Variants in LHX1 observed in about 807,000 individuals in gnomAD.
The protein encoded by LHX1 is LIM/homeobox protein Lhx1.
Under a neutral mutation model 34.1 loss-of-function variants are expected in LHX1, and 9 were observed. The ratio of observed to expected loss-of-function variants is 0.26; its 90% CI spans 0.16 to 0.46. The LOEUF is 0.46. LHX1 is among the 20% of genes least tolerant of loss of function. The pLI, the probability that LHX1 is intolerant of heterozygous loss-of-function variation, is 1.00. For missense variants in LHX1, 446 were observed against 559.1 expected (o/e 0.80, Z 2.04); for synonymous variants, 254 against 241.5 (o/e 1.05, Z -0.48).
Position 36,938,007 on chromosome 17 carries a change from C to T in LHX1, c.-191C>T, listed in dbSNP as rs71380120. 4.1e-3 allele frequency: 2,593 copies of T among 630,404 alleles called. 45 individuals are homozygous for T. In the African/African-American group the frequency reaches 0.042, roughly 10 times the overall value. The allele number at this position is 630,404 out of a possible 1,614,324, so 39.1% of individuals were successfully genotyped here. A position where few individuals can be genotyped will look rare whatever the true frequency, so the allele number is the denominator to read the frequency against. ...TGCACACTTCACTGAGACGCCCCCC[C>T]AGGCCCCGATCAGCCTCGTTTCCTC... On this transcript the variant is annotated 5_prime_UTR_variant, in exon 1 of 5. Transcript: ENST00000614239.
intron 1 of LHX1, chr17:36,938,766 G>A (rs2070746037): frequency 5.5e-6 from 2 of 365,526 alleles, no homozygotes; most frequent in South Asian, 4.6e-5. Flanking sequence ...CAGAGCCCAG[G>A]CTCCCTCCCG....
chr17:36,939,590 A>G (rs1240164779), intron 1 of LHX1, among the ~76,000 whole-genome samples: 2 of 152,212 alleles, frequency 1.3e-5, no homozygotes, highest in Non-Finnish European at 1.5e-5. Flanking sequence ...GAGGGTGGCA[A>G]ACCGTACTCG....
Position 36,943,205 on chromosome 17 carries a change from A to AAAG in LHX1, c.*76_*77insGAA. 1 of 1,513,054 alleles carries AAAG rather than the reference A, an allele frequency of 6.6e-7. No individual in the cohort carries two copies. The highest frequency in any genetic ancestry group is 8.9e-7 in the Non-Finnish European group (1 of 1,127,644). 93.7% of individuals were successfully genotyped at this position (1,513,054 alleles called of 1,614,324 possible). ...TTTATTTAAGAAAAATAGAAAAAAA[A>AAAG]AAACATAAAAAGCAAGTCCCCACCC... On this transcript the variant is annotated 3_prime_UTR_variant, in exon 5 of 5. Transcript: ENST00000614239.
Position 36,942,672 on chromosome 17 carries a change from G to A in LHX1, c.842-80G>A, listed in dbSNP as rs533711091. The stretch of plus-strand genomic sequence containing the variant: ...CGCGCGGCCTTCCTCAGCCCGCCGA[G>A]GTCGCGTCTTCCCTCCCTTTCGGTC... On this transcript the variant is annotated intron_variant, in intron 4 of 4. Transcript: ENST00000614239. 3.3e-5 allele frequency: 45 copies of A among 1,377,090 alleles called. 1 individual carries two copies. In the South Asian group the frequency reaches 4.9e-4, roughly 15 times the overall value. The allele number at this position is 1,377,090 out of a possible 1,614,324, so 85.3% of individuals were successfully genotyped here.
At chr17:36,937,005 C>T, upstream of LHX1, 1 of 273,898 alleles carries the variant, frequency 3.7e-6, no homozygotes, top group Non-Finnish European at 7.3e-6. Flanking sequence ...CCAAGCTGCC[C>T]CCCTCCTCCC....
At chr17:36,942,396 C>T (rs1156339911) in intron 4 of LHX1, 31 bp downstream of exon 4, 1 of 1,555,416 alleles carries the variant, frequency 6.4e-7, no homozygotes, top group South Asian at 1.2e-5. Context: ...GGGGCGCGGC[C>T]AGGTCGGGGC....
chr17:36,936,813 G>A (rs7215367), upstream of LHX1: 5,569 of 173,978 alleles, frequency 0.032, 370 homozygotes, highest in African/African-American at 0.13. Context: ...CCAAGCCGCC[G>A]GAGCTGGGGA....
At position 36,942,765 on chromosome 17, in the gene LHX1, G is replaced by C; in HGVS notation, c.855G>C (p.Glu285Asp). ...GCCGCTCCGCAGATTACCAGAGCGA[G>C]TACTACGGGCCCGGGGGCAACTACG... is the stretch of plus-strand genomic sequence containing the variant. ...PFSFYGDYQS[E>D]YYGPGGNYDF... The change falls in exon 5 of 5, where the codon GAG becomes GAC. Residue 285 changes from glutamate to aspartate, a missense_variant. Physicochemically the swap from Glu to Asp is conservative, Grantham distance 45. Coordinates refer to ENST00000614239, the MANE Select transcript of LHX1 (RefSeq NM_005568.5). The C allele has an allele frequency of 6.5e-7, 1 of 1,530,302 alleles. No homozygotes were observed. The highest frequency in any genetic ancestry group is 1.3e-5 in the South Asian group (1 of 79,014). 94.8% of individuals were successfully genotyped at this position (1,530,302 alleles called of 1,614,324 possible).
chr17:36,938,241 T>C lies in LHX1; in HGVS notation c.44T>C (p.Phe15Ser), dbSNP rs2070741895. Reference sequence around the variant, plus strand: ...TGCAAAAGGCCCATCCTGGACCGCTTTCTCTTGAACGTGCTGGACAGGGCC... The same window carrying C: ...TGCAAAAGGCCCATCCTGGACCGCTCTCTCTTGAACGTGCTGGACAGGGCC... ...AGCKRPILDR[F>S]LLNVLDRAWH... The change falls in exon 1 of 5, where the codon TTT becomes TCT. Residue 15 changes from phenylalanine (F) to serine (S), a missense_variant. Physicochemically the swap from Phe to Ser is radical, Grantham distance 155. Transcript: ENST00000614239. The C allele has an allele frequency of 6.2e-7, 1 of 1,614,008 alleles. No individual in the cohort carries two copies. The highest frequency in any genetic ancestry group is 1.3e-5 in the African/African-American group (1 of 74,916).
chr17:36,939,685 G>C (rs1224209262), intron 1 of LHX1, among the ~76,000 whole-genome samples: 2 of 152,230 alleles, frequency 1.3e-5, no homozygotes, highest in African/African-American at 4.8e-5. Context: ...TCCCGCTTTT[G>C]CCAACCTGTC....
rs764470167 is a variant in LHX1 at position 36,942,940 on chromosome 17, A to G, written c.1030A>G (p.Thr344Ala). 6.2e-7 allele frequency: 1 copy of G among 1,607,922 alleles called. No homozygotes were observed. The highest frequency in any genetic ancestry group is 2.2e-5 in the East Asian group (1 of 44,680). The change falls in exon 5 of 5, where the codon ACC becomes GCC. Residue 344 changes from threonine to alanine, a missense_variant. Thr to Ala is a moderately conservative substitution (Grantham distance 58, BLOSUM62 0). Transcript: ENST00000614239. ...CCCGTCGAGCGAGGCGCAGCGGTTTACCGACATCCTGGCGCACCCACCCGG... is the reference window on the plus strand; with the variant it reads ...CCCGTCGAGCGAGGCGCAGCGGTTTGCCGACATCCTGGCGCACCCACCCGG... ...HHPSSEAQRF[T>A]DILAHPPGDS...
At position 36,943,302 on chromosome 17, in the gene LHX1, C is replaced by T. The variant is rs1270022537; in HGVS notation, c.*171C>T. 4 of 805,500 alleles carry T rather than the reference C, an allele frequency of 5.0e-6. No homozygotes were observed. The African/African-American group carries it at 5.3e-5, about 11-fold the overall frequency. 49.9% of individuals were successfully genotyped at this position (805,500 alleles called of 1,614,324 possible). ...GGAAAAGGGGGACACGAAATAGGAT[C>T]CAAATCGGCCTCGAGGTGGGACTGG... On this transcript the variant is annotated 3_prime_UTR_variant, in exon 5 of 5. Coordinates refer to ENST00000614239, the MANE Select transcript of LHX1 (RefSeq NM_005568.5).
chr17:36,941,529 G>C (rs1387816289), intron 3 of LHX1: 1 of 258,210 alleles, frequency 3.9e-6, no homozygotes, highest in African/African-American at 2.3e-5. Context: ...CTAGGTGTCC[G>C]GTTCACCGGG....
At position 36,943,208 on chromosome 17, in the gene LHX1, A is replaced by AC. The variant is rs2070780155; in HGVS notation, c.*78dup. The AC allele has an allele frequency of 2.7e-6, 4 of 1,504,666 alleles. No individual in the cohort carries two copies. Among genetic ancestry groups the AC allele is most frequent in the Non-Finnish European group, 3.6e-6 (4 of 1,121,552 alleles). 93.2% of individuals were successfully genotyped at this position (1,504,666 alleles called of 1,614,324 possible). A position where few individuals can be genotyped will look rare whatever the true frequency, so the allele number is the denominator to read the frequency against. On this transcript the variant is annotated 3_prime_UTR_variant, in exon 5 of 5. Transcript: ENST00000614239. Reference sequence around the variant, plus strand: ...ATTTAAGAAAAATAGAAAAAAAAAAACATAAAAAGCAAGTCCCCACCCCCT... The same window carrying AC: ...ATTTAAGAAAAATAGAAAAAAAAAAACCATAAAAAGCAAGTCCCCACCCCCT...
At chr17:36,941,428 A>T (rs1188994964) in intron 3 of LHX1, 2 of 328,200 alleles carry the variant, frequency 6.1e-6, no homozygotes, top group African/African-American at 4.3e-5. Context: ...AAATTTGGGT[A>T]TGGGAGCCTA....
Position 36,940,658 on chromosome 17 carries a change from C to T in LHX1, c.446C>T (p.Ser149Leu). Reference protein sequence around the residue: ...PSLSPDSQDPSQDDAKDSESA... With the variant: ...PSLSPDSQDPLQDDAKDSESA... ...TTGTCTCCGGATTCCCAAGACCCGT[C>T]GCAGGACGACGCCAAGGACTCGGAG... The change falls in exon 3 of 5, where the codon TCG (serine) becomes TTG (leucine). Residue 149 changes from serine to leucine, a missense_variant. Around this residue, in one of 3 missense-constraint regions of LHX1, gnomAD observed 168 missense variants for 226.6 expected, o/e 0.74. Transcript: ENST00000614239. 1 of 1,613,882 alleles carries T rather than the reference C, an allele frequency of 6.2e-7. No homozygotes were observed. Among genetic ancestry groups the T allele is most frequent in the South Asian group, 1.1e-5 (1 of 91,086 alleles).
Position 36,940,284 on chromosome 17 carries a change from C to CCCCCCCCCCCCTGTT in LHX1, c.171-5_171-4insCCCCCCCCCCTGTTC. On this transcript the variant is annotated splice_region_variant and splice_polypyrimidine_tract_variant and intron_variant, in intron 1 of 4. Coordinates refer to ENST00000614239, the MANE Select transcript of LHX1 (RefSeq NM_005568.5). ...GCCCCCGCCCCCCACCCCCACCCCC[C>CCCCCCCCCCCCTGTT]CGCAGGTGTTTCGGTACCAAATGCG... 7.6e-7 allele frequency: 1 copy of CCCCCCCCCCCCTGTT among 1,312,280 alleles called. No homozygotes were observed. Among genetic ancestry groups the CCCCCCCCCCCCTGTT allele is most frequent in the Non-Finnish European group, 1.1e-6 (1 of 951,870 alleles). 81.3% of individuals were successfully genotyped at this position (1,312,280 alleles called of 1,614,324 possible).
At chr17:36,940,062 T>C in intron 1 of LHX1, 1 of 602,436 alleles carries the variant, frequency 1.7e-6, no homozygotes, top group South Asian at 2.0e-5. Flanking sequence ...TCCCTAACTC[T>C]TCCCTGGTGC....
intron 1 of LHX1, among the ~76,000 whole-genome samples, chr17:36,939,461 G>A (rs910877584): frequency 6.6e-6 from 1 of 152,222 alleles, no homozygotes; most frequent in Non-Finnish European, 1.5e-5. Flanking sequence ...GCTGGGGTTG[G>A]GTTGCGTGGA....
Sources: gnomAD v4.1 joint callset for allele counts (sites outside exome capture counted in the v4.1 genomes callset) on GRCh38, gnomAD v4.1.1 for gene constraint, gnomAD v4.1.1 regional missense constraint, MANE v1.5 for transcripts, NCBI Gene and HGNC (gene_info 2026-07-23, HGNC 2026-07-21) for gene names.